The following MAST2 variants were observed in gnomAD, a reference collection of about 807,000 sequenced individuals.
MAST2 encodes microtubule-associated serine/threonine-protein kinase 2.
MAST2 carries 70 observed loss-of-function variants against 147.4 expected under a neutral mutation model. The ratio of observed to expected loss-of-function variants is 0.47; its 90% CI spans 0.39 to 0.58. The LOEUF is 0.58. MAST2 is among the 20% of genes least tolerant of loss of function. The probability of loss-of-function intolerance (pLI) is 0.00; values close to 1 mark genes in which losing one functional copy is unlikely to be tolerated. For synonymous variants in MAST2, 869 were observed against 896.8 expected (o/e 0.97, Z 0.55); for missense variants, 2,080 against 2,302.3 (o/e 0.90, Z 1.98).
At chr1:45,888,854 G>C (rs1323709020) in intron 4 of MAST2, among the ~76,000 whole-genome samples, 1 of 150,390 alleles carries the variant, frequency 6.6e-6, no homozygotes, top group African/African-American at 2.5e-5. Context: ...CTAATTTTTT[G>C]TATTTTTAGT....
chr1:45,951,622 CAA>C (rs1008028491), intron 4 of MAST2, among the ~76,000 whole-genome samples: 8 of 151,744 alleles, frequency 5.3e-5, no homozygotes, highest in East Asian at 3.9e-4. Context: ...GAAACAGAAA[CAA>C]GAGAAAAAAA....
At chr1:45,806,331 CT>C (rs954458501) in intron 1 of MAST2, among the ~76,000 whole-genome samples, 1 of 152,194 alleles carries the variant, frequency 6.6e-6, no homozygotes, top group Non-Finnish European at 1.5e-5. Flanking sequence ...CATGTTGTTG[CT>C]TGTAGAAACA....
chr1:45,884,521 CA>C (rs1286256698), intron 4 of MAST2, among the ~76,000 whole-genome samples: 1 of 152,076 alleles, frequency 6.6e-6, no homozygotes, highest in Admixed American at 6.5e-5. Context: ...CACTGCACTC[CA>C]GCCTGGGCGA....
chr1:45,821,913 G>T (rs1644646637), intron 1 of MAST2, among the ~76,000 whole-genome samples: 1 of 104,368 alleles, frequency 9.6e-6, no homozygotes, highest in African/African-American at 4.0e-5. Context: ...TTTGGTGACA[G>T]AGTGTTGCTC....
intron 1 of MAST2, among the ~76,000 whole-genome samples, chr1:45,818,753 T>G (rs547171789): frequency 6.6e-6 from 1 of 152,340 alleles, no homozygotes; most frequent in Admixed American, 6.5e-5. Context: ...TGTTAGCAGT[T>G]CCTCTCCAAA....
intron 7 of MAST2, among the ~76,000 whole-genome samples, chr1:46,005,761 T>A (rs1169031550): frequency 6.6e-6 from 1 of 152,194 alleles, no homozygotes; most frequent in Non-Finnish European, 1.5e-5. Context: ...GCACAATACA[T>A]TGGCCAGCTT....
intron 4 of MAST2, among the ~76,000 whole-genome samples, chr1:45,889,795 G>C (rs1188595092): frequency 6.6e-6 from 1 of 151,224 alleles, no homozygotes; most frequent in Non-Finnish European, 1.5e-5. Flanking sequence ...ATTTTTAGTA[G>C]AGCCAGGGTT....
intron 5 of MAST2, among the ~76,000 whole-genome samples, chr1:45,993,676 T>C (rs928386051): frequency 6.6e-6 from 1 of 151,992 alleles, no homozygotes; most frequent in Non-Finnish European, 1.5e-5. Flanking sequence ...AAAATGAGAC[T>C]CCATCTCAAA....
chr1:45,949,939 A>G (rs1380450424), intron 4 of MAST2, among the ~76,000 whole-genome samples: 3 of 152,208 alleles, frequency 2.0e-5, no homozygotes, highest in Non-Finnish European at 4.4e-5. Context: ...GCTGGAGGCT[A>G]CGATCCTAAG....
chr1:45,839,052 C>G (rs906755622), intron 3 of MAST2, among the ~76,000 whole-genome samples: 2 of 151,920 alleles, frequency 1.3e-5, no homozygotes, highest in African/African-American at 4.8e-5. Flanking sequence ...TGGCTCACTG[C>G]GACCTCCGCC....
At position 46,008,288 on chromosome 1, in the gene MAST2, T is replaced by G. The variant is rs373427592; in HGVS notation, c.903-8T>G. Reference sequence around the variant, plus strand: ...CTAAAGTAACACAATCATTTCTTTCTTTTTTAGTCCCGGACGATCCCCAGT... The same window carrying G: ...CTAAAGTAACACAATCATTTCTTTCGTTTTTAGTCCCGGACGATCCCCAGT... On this transcript the variant is annotated splice_region_variant and splice_polypyrimidine_tract_variant and intron_variant, in intron 8 of 28. Coordinates refer to ENST00000361297, the MANE Select transcript of MAST2 (RefSeq NM_015112.3). The G allele has an allele frequency of 3.1e-6, 5 of 1,602,482 alleles. No homozygotes were observed. The highest frequency in any genetic ancestry group is 4.3e-6 in the Non-Finnish European group (5 of 1,169,620).
intron 4 of MAST2, among the ~76,000 whole-genome samples, chr1:45,928,712 T>C (rs1020163513): frequency 2.6e-5 from 4 of 151,982 alleles, no homozygotes; most frequent in Non-Finnish European, 4.4e-5. Context: ...TCCCAAGTAG[T>C]TGGGACTACA....
intron 16 of MAST2, 37 bp from the exon 17 acceptor site, chr1:46,027,694 G>A: frequency 6.3e-7 from 1 of 1,597,288 alleles, no homozygotes; most frequent in East Asian, 2.3e-5. Context: ...CAGAAAACCA[G>A]GAATAACTTC....
intron 4 of MAST2, among the ~76,000 whole-genome samples, chr1:45,907,811 C>T (rs947398254): frequency 2.6e-5 from 4 of 152,148 alleles, no homozygotes; most frequent in African/African-American, 7.2e-5. Context: ...TCAGTGGAAT[C>T]ATATAGTATT....
chr1:46,005,913 C>A (rs192735153), intron 7 of MAST2, among the ~76,000 whole-genome samples: 1 of 152,318 alleles, frequency 6.6e-6, no homozygotes, highest in African/African-American at 2.4e-5. Flanking sequence ...ATGTTATTTG[C>A]AGCTGGGTAC....
intron 4 of MAST2, among the ~76,000 whole-genome samples, chr1:45,893,758 A>G (rs1648260815): frequency 6.6e-6 from 1 of 152,180 alleles, no homozygotes; most frequent in South Asian, 2.1e-4. Flanking sequence ...TAGTAATAGC[A>G]TTTTACCCAT....
chr1:45,858,949 G>A (rs1304555318), intron 3 of MAST2, among the ~76,000 whole-genome samples: 1 of 152,108 alleles, frequency 6.6e-6, no homozygotes, highest in East Asian at 1.9e-4. Context: ...TGAGGGCTCT[G>A]TTCTGTTCCA....
At chr1:45,913,617 TCC>T (rs1652006156) in intron 4 of MAST2, 2 of 998,512 alleles carry the variant, frequency 2.0e-6, no homozygotes, top group African/African-American at 3.5e-5. Flanking sequence ...CTTGTCACTG[TCC>T]CACTGCTGCC....
intron 1 of MAST2, among the ~76,000 whole-genome samples, chr1:45,808,791 GTTCAT>G (rs1644212299): frequency 6.6e-6 from 1 of 151,890 alleles, no homozygotes; most frequent in Non-Finnish European, 1.5e-5. Context: ...CTCGTTAAAT[GTTCAT>G]TTCATTTCTC....
Sources: gnomAD v4.1 joint callset for allele counts (sites outside exome capture counted in the v4.1 genomes callset) on GRCh38, gnomAD v4.1.1 for gene constraint, MANE v1.5 for transcripts, NCBI Gene and HGNC (gene_info 2026-07-23, HGNC 2026-07-21) for gene names.